The following EDEM3 variants were observed in gnomAD, a reference collection of about 807,000 sequenced individuals.
EDEM3 encodes ER degradation enhancing alpha-mannosidase like protein 3.
A neutral mutation model predicts 110.2 loss-of-function variants in EDEM3; 60 were observed. The ratio of observed to expected loss-of-function variants is 0.54; its 90% CI spans 0.44 to 0.67. The LOEUF (loss-of-function observed/expected upper bound fraction) is 0.67. Among genes scored for constraint, EDEM3 ranks in the 30% least tolerant of loss-of-function variants. The pLI is 0.00. For synonymous variants in EDEM3, 352 were observed against 382.9 expected (o/e 0.92, Z 0.94); for missense variants, 996 against 1,121.0 (o/e 0.89, Z 1.59).
At chr1:184,748,191 A>G (rs1458018203) in intron 2 of EDEM3, among the ~76,000 whole-genome samples, 2 of 152,232 alleles carry the variant, frequency 1.3e-5, no homozygotes, top group African/African-American at 4.8e-5. Flanking sequence ...TCACACCTGT[A>G]ATCCCAACAC....
intron 18 of EDEM3, among the ~76,000 whole-genome samples, chr1:184,703,627 G>T (rs1359892245): frequency 6.6e-6 from 1 of 152,230 alleles, no homozygotes; most frequent in African/African-American, 2.4e-5. Flanking sequence ...GCAACATGCT[G>T]TTTTACTGAA....
intron 2 of EDEM3, among the ~76,000 whole-genome samples, chr1:184,745,596 TG>T (rs1228921448): frequency 6.6e-6 from 1 of 151,976 alleles, no homozygotes; most frequent in Non-Finnish European, 1.5e-5. Flanking sequence ...TTTTAAACAT[TG>T]GGGGGTAGGG....
At chr1:184,719,018 A>C in intron 11 of EDEM3, 144 bp downstream of exon 11, 1 of 446,324 alleles carries the variant, frequency 2.2e-6, no homozygotes, top group Non-Finnish European at 3.9e-6. Context: ...TAAACTATTT[A>C]ATAGGAAAAA....
At chr1:184,725,905 C>A (rs1651165307) in intron 7 of EDEM3, among the ~76,000 whole-genome samples, 4 of 151,904 alleles carry the variant, frequency 2.6e-5, no homozygotes, top group Admixed American at 2.0e-4. Flanking sequence ...TTCAGAAGTG[C>A]AATATGGAAG....
chr1:184,724,428 T>G (rs767127798), intron 7 of EDEM3, among the ~76,000 whole-genome samples: 4 of 152,192 alleles, frequency 2.6e-5, no homozygotes, highest in South Asian at 2.1e-4. Flanking sequence ...ACTTGTAACC[T>G]TATGACATGT....
At chr1:184,720,392 G>T (rs1650821996) in intron 9 of EDEM3, 1 of 151,326 alleles carries the variant, frequency 6.6e-6, no homozygotes, top group Admixed American at 6.6e-5. Flanking sequence ...CCTATAAATA[G>T]TACTAGTACT....
chr1:184,698,887 A>T (rs983769706), intron 19 of EDEM3, among the ~76,000 whole-genome samples: 1 of 151,890 alleles, frequency 6.6e-6, no homozygotes, highest in African/African-American at 2.4e-5. Flanking sequence ...AACCAGAAAT[A>T]AAAGCAACAA....
At chr1:184,697,182 T>C (rs937108997) in intron 19 of EDEM3, among the ~76,000 whole-genome samples, 1 of 151,850 alleles carries the variant, frequency 6.6e-6, no homozygotes, top group African/African-American at 2.4e-5. Flanking sequence ...TTATAAAAGG[T>C]ATAAGACCCA....
intron 15 of EDEM3, 25 bp downstream of exon 15, chr1:184,711,698 G>C: frequency 6.5e-7 from 1 of 1,540,606 alleles, no homozygotes. Flanking sequence ...TTTGATATTA[G>C]AAAATATAAA....
rs1651869118 is a variant in EDEM3, at chr1:184,737,084, A to G, written c.306-20T>C. On this transcript the variant is annotated intron_variant, in intron 3 of 19. Coordinates refer to ENST00000318130, the MANE Select transcript of EDEM3 (RefSeq NM_025191.4). ...GAAAATCTAAGAAACAAGCGTTAAC[A>G]AGATATAAAACATTAGAATCCTAAA... 4.4e-6 allele frequency: 7 copies of G among 1,598,366 alleles called. No homozygotes were observed. The East Asian group carries it at 1.6e-4, about 36-fold the overall frequency.
At chr1:184,726,188 C>A in intron 7 of EDEM3, 67 bp downstream of exon 7, 3 of 1,526,660 alleles carry the variant, frequency 2.0e-6, no homozygotes, top group Non-Finnish European at 2.7e-6. Flanking sequence ...TAATATTTAA[C>A]CAATGAAGAA....
At chr1:184,751,452 T>C (rs1652762007) in intron 1 of EDEM3, among the ~76,000 whole-genome samples, 1 of 152,212 alleles carries the variant, frequency 6.6e-6, no homozygotes, top group African/African-American at 2.4e-5. Flanking sequence ...TTTTCAAGAC[T>C]GTAAGTAAAT....
rs1354439143 is a variant in EDEM3, at chr1:184,694,956, T to C, written c.2390-484A>G. ...ACTCAGTAAGTCATAAAGAAGCAGATAACATAGATTTTTTTGAATGACTAA... is the reference window on the plus strand; with the variant it reads ...ACTCAGTAAGTCATAAAGAAGCAGACAACATAGATTTTTTTGAATGACTAA... On this transcript the variant is annotated intron_variant, in intron 19 of 19. Coordinates refer to ENST00000318130, the MANE Select transcript of EDEM3 (RefSeq NM_025191.4). 2.0e-5 allele frequency among the ~76,000 whole-genome samples: 3 copies of C among 152,028 alleles called. No homozygotes were observed. In the East Asian group the frequency reaches 5.8e-4, roughly 29 times the overall value.
intron 8 of EDEM3, 49 bp from the exon 9 acceptor site, chr1:184,721,435 A>G (rs1571382261): frequency 6.9e-6 from 10 of 1,449,666 alleles, no homozygotes; most frequent in Middle Eastern, 1.8e-4. Context: ...TAAAACCGTT[A>G]AATTTTTTTA....
chr1:184,744,174 A>ATATATTTGATATATTT (rs1558071512), intron 2 of EDEM3, among the ~76,000 whole-genome samples: 1 of 149,454 alleles, frequency 6.7e-6, no homozygotes, highest in Non-Finnish European at 1.5e-5. Context: ...ATATATCCAA[A>ATATATTTGATATATTT]GCATATATTT....
chr1:184,742,655 T>C (rs908496653), intron 2 of EDEM3, among the ~76,000 whole-genome samples: 2 of 152,302 alleles, frequency 1.3e-5, no homozygotes, highest in South Asian at 2.1e-4. Context: ...TCCCAAAGTG[T>C]TGGGATTACA....
At chr1:184,723,935 A>C (rs1651049729) in intron 7 of EDEM3, 79 bp from the exon 8 acceptor site, 2 of 1,063,502 alleles carry the variant, frequency 1.9e-6, no homozygotes, top group Admixed American at 5.3e-5. Context: ...GGAAACTAAC[A>C]AACAAAACTC....
chr1:184,708,311 T>G lies in EDEM3; in HGVS notation c.1879A>C (p.Arg627=), dbSNP rs753312779. ...AATTCAATCATCTCCTGCATGAACC[T>G]CAACCCATCTTCAGCGTCGATTGAA... ...ASSIDAEDGL[R]FMQEMIELSS... is the part of the protein sequence containing the mutation. Residue 627 remains arginine (R), a synonymous_variant, in exon 17 of 20, where the codon AGG becomes CGG. Transcript: ENST00000318130. The G allele has an allele frequency of 6.2e-7, 1 of 1,613,012 alleles. No individual in the cohort carries two copies. Among genetic ancestry groups the G allele is most frequent in the Non-Finnish European group, 8.5e-7 (1 of 1,179,728 alleles).
At chr1:184,701,821 G>T (rs191918780) in intron 19 of EDEM3, among the ~76,000 whole-genome samples, 93 of 152,056 alleles carry the variant, frequency 6.1e-4, no homozygotes, top group African/African-American at 2.0e-3. Context: ...ACATTTCAAA[G>T]AATCTCAAAG....
Sources: allele counts gnomAD v4.1 joint callset (sites outside exome capture counted in the v4.1 genomes callset), GRCh38; gene constraint gnomAD v4.1.1; transcripts MANE v1.5; gene names NCBI Gene and HGNC (gene_info 2026-07-23, HGNC 2026-07-21).